Variants in EIF2S2 observed in about 807,000 individuals in gnomAD.
The protein encoded by EIF2S2 is eukaryotic translation initiation factor 2 subunit beta.
A neutral mutation model predicts 44.0 loss-of-function variants in EIF2S2; 4 were observed. The ratio of observed to expected loss-of-function variants is 0.09; its 90% CI spans 0.04 to 0.21. EIF2S2 has a LOEUF of 0.21. Ranked by LOEUF, EIF2S2 falls within the 10% of genes least tolerant of loss-of-function variation. The probability of loss-of-function intolerance (pLI) is 1.00; values close to 1 mark genes in which losing one functional copy is unlikely to be tolerated. For missense variants in EIF2S2, 154 were observed against 392.0 expected (o/e 0.39, Z 5.13); for synonymous variants, 108 against 128.3 (o/e 0.84, Z 1.07).
chr20:34,094,361 A>G (rs181483751), intron 6 of EIF2S2, among the ~76,000 whole-genome samples: 102 of 152,372 alleles, frequency 6.7e-4, no homozygotes, highest in Middle Eastern at 6.8e-3. Flanking sequence ...GGCCTTAATT[A>G]TAACTATAAA....
At chr20:34,105,592 A>C in intron 1 of EIF2S2, 47 bp from the exon 2 acceptor site, 1 of 1,467,980 alleles carries the variant, frequency 6.8e-7, no homozygotes. Flanking sequence ...ATTGTTTTTA[A>C]TGATGCTCAC....
At chr20:34,105,705 C>G (rs2034341992) in intron 1 of EIF2S2, among the ~76,000 whole-genome samples, 160 bp from the exon 2 acceptor site, 2 of 152,124 alleles carry the variant, frequency 1.3e-5, no homozygotes, top group Admixed American at 1.3e-4. Flanking sequence ...AAATTGTCCA[C>G]CCAACCTTCT....
At chr20:34,109,460 A>C (rs1209321117) in intron 1 of EIF2S2, among the ~76,000 whole-genome samples, 1 of 151,924 alleles carries the variant, frequency 6.6e-6, no homozygotes, top group African/African-American at 2.4e-5. Context: ...CCAGGAGTTC[A>C]AGACAAGCTT....
intron 6 of EIF2S2, among the ~76,000 whole-genome samples, chr20:34,094,609 A>G (rs930418722): frequency 3.3e-5 from 5 of 152,182 alleles, no homozygotes; most frequent in African/African-American, 1.2e-4. Context: ...TGGTAGCACA[A>G]CAGAAAAATG....
intron 3 of EIF2S2, among the ~76,000 whole-genome samples, chr20:34,103,140 A>G (rs2034312457): frequency 6.6e-6 from 1 of 152,230 alleles, no homozygotes; most frequent in Non-Finnish European, 1.5e-5. Flanking sequence ...AACCAAAGGA[A>G]TATTTGCTCA....
chr20:34,103,113 T>C (rs1291979286), intron 3 of EIF2S2, among the ~76,000 whole-genome samples: 1 of 152,206 alleles, frequency 6.6e-6, no homozygotes, highest in African/African-American at 2.4e-5. Context: ...ATTCAATATG[T>C]TACCAAAAGT....
chr20:34,112,230 C>A lies in EIF2S2; in HGVS notation c.-120G>T, dbSNP rs2034424365. The A allele has an allele frequency of 8.9e-7, 1 of 1,128,966 alleles. No individual in the cohort carries two copies. Among genetic ancestry groups the A allele is most frequent in the Non-Finnish European group, 1.2e-6 (1 of 848,060 alleles). The allele number at this position is 1,128,966 out of a possible 1,614,324, so 69.9% of individuals were successfully genotyped here. A position where few individuals can be genotyped will look rare whatever the true frequency, so the allele number is the denominator to read the frequency against. On this transcript the variant is annotated 5_prime_UTR_variant, in exon 1 of 9. Coordinates refer to ENST00000374980, the MANE Select transcript of EIF2S2 (RefSeq NM_003908.5). ...CCACCGCACTAGGCTCTTGCATCAG[C>A]GAAAGGAAACGACACCCCGCCCTCT...
At chr20:34,099,007 C>T (rs969443232) in intron 3 of EIF2S2, among the ~76,000 whole-genome samples, 8 of 152,320 alleles carry the variant, frequency 5.3e-5, no homozygotes, top group East Asian at 1.9e-4. Context: ...CCCCCTCATT[C>T]ATCTCTTTAT....
At position 34,102,702 on chromosome 20, in the gene EIF2S2, C is replaced by G. The variant is rs188266839; in HGVS notation, c.297+760G>C. On this transcript the variant is annotated intron_variant, in intron 3 of 8. Coordinates refer to ENST00000374980, the MANE Select transcript of EIF2S2 (RefSeq NM_003908.5). Reference sequence around the variant, plus strand: ...GTTTGCTGTTGTGTGTGTGCGCGCTCTATGTGAGTGAGTGTGTGTACTGCT... The same window carrying G: ...GTTTGCTGTTGTGTGTGTGCGCGCTGTATGTGAGTGAGTGTGTGTACTGCT... Among the ~76,000 whole-genome samples the G allele has an allele frequency of 3.5e-3, 526 of 152,258 alleles. 4 individuals are homozygous for G. The highest frequency in any genetic ancestry group is 0.011 in the African/African-American group (442 of 41,538).
At chr20:34,111,513 A>C (rs932124177) in intron 1 of EIF2S2, among the ~76,000 whole-genome samples, 3 of 152,176 alleles carry the variant, frequency 2.0e-5, no homozygotes, top group East Asian at 3.9e-4. Flanking sequence ...GCTCGCCCGG[A>C]AACTTTCCGG....
chr20:34,098,102 C>T (rs555985399), intron 4 of EIF2S2, among the ~76,000 whole-genome samples: 273 of 152,062 alleles, frequency 1.8e-3, no homozygotes, highest in African/African-American at 4.8e-3. Context: ...CAAAATTAGC[C>T]GAGAGTGGTG....
At chr20:34,093,800 GTTCA>G (rs1489477752) in intron 6 of EIF2S2, 69 bp from the exon 7 acceptor site, 15 of 1,373,700 alleles carry the variant, frequency 1.1e-5, no homozygotes, top group South Asian at 1.0e-4. Context: ...TAAAAAATCT[GTTCA>G]TTGTTTTGAT....
At chr20:34,111,819 G>A (rs909375780) in intron 1 of EIF2S2, among the ~76,000 whole-genome samples, 1 of 152,224 alleles carries the variant, frequency 6.6e-6, no homozygotes, top group African/African-American at 2.4e-5. Flanking sequence ...GGGCATTCGA[G>A]CCCCTTCCGG....
chr20:34,088,428 G>A lies in EIF2S2; in HGVS notation c.*1302C>T, dbSNP rs892392223. The stretch of plus-strand genomic sequence containing the variant: ...CATAAACAGCAGTTGGGTTCATCGT[G>A]GCAGTTGGTGGCAGTTTCAGCCAGT... On this transcript the variant is annotated 3_prime_UTR_variant, in exon 9 of 9. Transcript: ENST00000374980. 1 of 152,676 alleles carries A rather than the reference G, an allele frequency of 6.5e-6. No individual in the cohort carries two copies. The highest frequency in any genetic ancestry group is 1.9e-4 in the East Asian group (1 of 5,202). The allele number at this position is 152,676 out of a possible 1,614,324, so 9.5% of individuals were successfully genotyped here.
chr20:34,112,003 C>T, intron 1 of EIF2S2, 93 bp downstream of exon 1: 2 of 1,274,282 alleles, frequency 1.6e-6, no homozygotes, highest in Non-Finnish European at 2.0e-6. Context: ...TGGCGGCGGC[C>T]GGCTGCTAGG....
chr20:34,103,401 A>G (rs1013751341), intron 3 of EIF2S2, 61 bp downstream of exon 3: 32 of 1,478,830 alleles, frequency 2.2e-5, no homozygotes, highest in Middle Eastern at 4.9e-4. Flanking sequence ...AGAGGGAAAC[A>G]TCAGCCATTA....
chr20:34,108,700 G>C (rs879532162), intron 1 of EIF2S2, among the ~76,000 whole-genome samples: 3 of 152,172 alleles, frequency 2.0e-5, no homozygotes, highest in African/African-American at 4.8e-5. Flanking sequence ...TTTGATTGGA[G>C]AGGGCAAAGA....
At chr20:34,100,348 C>T (rs1194225680) in intron 3 of EIF2S2, among the ~76,000 whole-genome samples, 1 of 152,156 alleles carries the variant, frequency 6.6e-6, no homozygotes, top group Non-Finnish European at 1.5e-5. Flanking sequence ...GGTGACTGAG[C>T]TCAATCTCCA....
chr20:34,102,883 C>G (rs2034309481), intron 3 of EIF2S2, among the ~76,000 whole-genome samples: 1 of 152,184 alleles, frequency 6.6e-6, no homozygotes, highest in South Asian at 2.1e-4. Context: ...TTCCTGCCCA[C>G]CTGTTACTTA....
Sources: gnomAD v4.1 joint callset for allele counts (sites outside exome capture counted in the v4.1 genomes callset) on GRCh38, gnomAD v4.1.1 for gene constraint, MANE v1.5 for transcripts, NCBI Gene and HGNC (gene_info 2026-07-23, HGNC 2026-07-21) for gene names.